Variants in ADAMTSL1 observed in about 807,000 individuals in gnomAD.
ADAMTSL1 encodes ADAMTS like 1, also known as ADAMTS-like protein 1.
Under a neutral mutation model 201.8 loss-of-function variants are expected in ADAMTSL1, and 126 were observed. The observed-to-expected ratio is 0.62, with a 90% CI of 0.54 to 0.72. The LOEUF is 0.72. ADAMTSL1 is among the 30% of genes least tolerant of loss of function. The pLI, the probability that ADAMTSL1 is intolerant of heterozygous loss-of-function variation, is 0.00. For missense variants in ADAMTSL1, 2,679 were observed against 2,277.8 expected (o/e 1.18, Z -3.59); for synonymous variants, 1,121 against 903.4 (o/e 1.24, Z -4.32).
intron 23 of ADAMTSL1, among the ~76,000 whole-genome samples, chr9:18,875,671 A>G (rs1252170325): frequency 6.6e-6 from 1 of 152,168 alleles, no homozygotes; most frequent in Non-Finnish European, 1.5e-5. Flanking sequence ...GGCCTGTAAC[A>G]TAGACTATCT....
intron 2 of ADAMTSL1, among the ~76,000 whole-genome samples, chr9:18,399,091 T>C (rs1817861564): frequency 6.6e-6 from 1 of 151,536 alleles, no homozygotes; most frequent in African/African-American, 2.4e-5. Context: ...ATGAATCCAG[T>C]ACATTTTTAG....
intron 7 of ADAMTSL1, among the ~76,000 whole-genome samples, chr9:18,644,542 C>G (rs1425543448): frequency 6.6e-6 from 1 of 151,786 alleles, no homozygotes; most frequent in Non-Finnish European, 1.5e-5. Context: ...CCCCCCTACC[C>G]CCACCCCACA....
At chr9:18,597,690 T>G (rs1824359527) in intron 4 of ADAMTSL1, among the ~76,000 whole-genome samples, 1 of 152,150 alleles carries the variant, frequency 6.6e-6, no homozygotes, top group Non-Finnish European at 1.5e-5. Context: ...CTAACTGGCA[T>G]ACTTCCAAGG....
rs139649322 is a variant in ADAMTSL1, at chr9:18,750,578, T to C, written c.2007-2720T>C. Reference sequence around the variant, plus strand: ...CTATTATGAACAGTGCTGCCATGGATATTCTTGCATATGTCTTTTGATGAA... The same window carrying C: ...CTATTATGAACAGTGCTGCCATGGACATTCTTGCATATGTCTTTTGATGAA... On this transcript the variant is annotated intron_variant, in intron 15 of 28. Coordinates refer to ENST00000380548, the MANE Select transcript of ADAMTSL1 (RefSeq NM_001040272.6). Among the ~76,000 whole-genome samples, 22 of 152,378 alleles carry C rather than the reference T, an allele frequency of 1.4e-4. No individual in the cohort carries two copies. The East Asian group carries it at 3.3e-3, about 23-fold the overall frequency.
In ADAMTSL1 at chr9:18,489,474, G is replaced by A. The variant is rs111956559; in HGVS notation, c.63+15179G>A. On this transcript the variant is annotated intron_variant, in intron 1 of 28. Coordinates refer to ENST00000380548, the MANE Select transcript of ADAMTSL1 (RefSeq NM_001040272.6). ...GAAATCCTCCAGTTACCAGGATGTC[G>A]CGTAATCTGAAGTATAATGCACCAG... Among the ~76,000 whole-genome samples, 416 of 152,212 alleles carry A rather than the reference G, an allele frequency of 2.7e-3. 1 individual carries two copies. The highest frequency in any genetic ancestry group is 7.2e-3 in the African/African-American group (297 of 41,528).
intron 15 of ADAMTSL1, among the ~76,000 whole-genome samples, chr9:18,744,045 T>A (rs1818993745): frequency 6.6e-6 from 1 of 152,218 alleles, no homozygotes; most frequent in African/African-American, 2.4e-5. Context: ...AGCCTTGGCT[T>A]GCTTGTCCTA....
intron 1 of ADAMTSL1, among the ~76,000 whole-genome samples, chr9:17,965,280 C>A (rs1056191394): frequency 2.0e-5 from 3 of 152,012 alleles, no homozygotes; most frequent in African/African-American, 7.2e-5. Flanking sequence ...AGCAAAACAA[C>A]TTATTTTTAC....
chr9:18,726,910 A>G (rs1476887819), intron 15 of ADAMTSL1, among the ~76,000 whole-genome samples: 1 of 152,180 alleles, frequency 6.6e-6, no homozygotes, highest in African/African-American at 2.4e-5. Flanking sequence ...CCCCAGCCCC[A>G]GTCTCTTTTC....
Position 18,777,463 on chromosome 9 carries a change from G to C in ADAMTSL1, c.3234G>C (p.Leu1078=). 2 of 1,594,502 alleles carry C rather than the reference G, an allele frequency of 1.3e-6. No homozygotes were observed. The change falls in exon 19 of 29, where the codon CTG becomes CTC. Residue 1078 remains leucine, a synonymous_variant. Transcript: ENST00000380548. ...CCATGGTGACCGAGCAGCGGCGCCT[G>C]GACGACATCCTGGGGAACCTCTCCC... ...PFTMVTEQRR[L]DDILGNLSQQ...
chr9:18,456,293 A>C (rs1820599831), intron 2 of ADAMTSL1, among the ~76,000 whole-genome samples: 1 of 152,180 alleles, frequency 6.6e-6, no homozygotes, highest in African/African-American at 2.4e-5. Context: ...GGTCCTTAAC[A>C]AGCCTTGAAT....
intron 16 of ADAMTSL1, among the ~76,000 whole-genome samples, chr9:18,766,332 G>A (rs1187801569): frequency 6.6e-6 from 1 of 152,172 alleles, no homozygotes; most frequent in Non-Finnish European, 1.5e-5. Context: ...CTCATTGCAA[G>A]GGAACGTCAT....
intron 1 of ADAMTSL1, among the ~76,000 whole-genome samples, chr9:17,960,852 A>C (rs1817721680): frequency 6.6e-6 from 1 of 152,186 alleles, no homozygotes; most frequent in Non-Finnish European, 1.5e-5. Context: ...GGCATGTAGT[A>C]AATGCGCAGT....
chr9:18,776,690 T>C (rs1821021264), intron 18 of ADAMTSL1, 91 bp from the exon 19 acceptor site: 1 of 1,363,302 alleles, frequency 7.3e-7, no homozygotes, highest in Non-Finnish European at 9.7e-7. Flanking sequence ...TCTGGCTCTT[T>C]CCTTTGCCCC....
At chr9:18,533,156 C>G in intron 2 of ADAMTSL1, 91 bp from the exon 3 acceptor site, 1 of 1,004,776 alleles carries the variant, frequency 1.0e-6, no homozygotes, top group Non-Finnish European at 1.5e-6. Context: ...GGCCCTTTTA[C>G]TAGTATTTAG....
intron 1 of ADAMTSL1, among the ~76,000 whole-genome samples, chr9:17,935,867 A>G (rs1826986305): frequency 6.6e-6 from 1 of 152,156 alleles, no homozygotes; most frequent in Admixed American, 6.6e-5. Context: ...CCTATTAAAC[A>G]TGACTCAGGT....
intron 2 of ADAMTSL1, among the ~76,000 whole-genome samples, chr9:18,317,770 TGTTTCCATCAAAACA>T (rs1209168640): frequency 2.6e-5 from 4 of 152,196 alleles, no homozygotes; most frequent in Non-Finnish European, 4.4e-5. Context: ...GCAGAAGCAA[TGTTTCCATCAAAACA>T]GTTGGGACAA....
chr9:18,076,746 G>A (rs1204774057), intron 1 of ADAMTSL1, among the ~76,000 whole-genome samples: 1 of 152,130 alleles, frequency 6.6e-6, no homozygotes, highest in Admixed American at 6.5e-5. Flanking sequence ...TGAGTACATC[G>A]AGGGACTTAT....
chr9:18,300,692 C>T (rs917330147), intron 2 of ADAMTSL1, among the ~76,000 whole-genome samples: 2 of 151,896 alleles, frequency 1.3e-5, no homozygotes, highest in South Asian at 2.1e-4. Flanking sequence ...GAGTGAAAAA[C>T]GACATGAGAT....
chr9:18,649,404 T>C (rs878905273), intron 7 of ADAMTSL1, among the ~76,000 whole-genome samples: 6 of 152,228 alleles, frequency 3.9e-5, no homozygotes, highest in East Asian at 1.9e-4. Flanking sequence ...AGTCATTCTC[T>C]GTCCAGCTTT....
Sources: gnomAD v4.1 joint callset for allele counts (sites outside exome capture counted in the v4.1 genomes callset) on GRCh38, gnomAD v4.1.1 for gene constraint, MANE v1.5 for transcripts, NCBI Gene and HGNC (gene_info 2026-07-23, HGNC 2026-07-21) for gene names.